Variants in FAM53A observed in about 807,000 individuals in gnomAD.
FAM53A encodes the protein protein FAM53A.
FAM53A carries 28 observed loss-of-function variants against 26.6 expected under a neutral mutation model. That is an observed-to-expected ratio of 1.05 (90% CI 0.78 to 1.45). The LOEUF (loss-of-function observed/expected upper bound fraction) is 1.45. Ranked by LOEUF, FAM53A falls within the 40% of genes most tolerant of loss-of-function variation. FAM53A has a pLI of 0.00. For missense variants in FAM53A, 650 were observed against 575.8 expected (o/e 1.13, Z -1.32); for synonymous variants, 290 against 253.1 (o/e 1.15, Z -1.38).
chr4:1,615,159 G>A (rs80286224), downstream of FAM53A, among the ~76,000 whole-genome samples: 1,915 of 143,964 alleles, frequency 0.013, 135 homozygotes, highest in East Asian at 0.24. Context: ...GGGTACACAC[G>A]GAAGACAGGA....
At chr4:1,661,053 G>A (rs1418399457) in intron 2 of FAM53A, among the ~76,000 whole-genome samples, 1 of 151,926 alleles carries the variant, frequency 6.6e-6, no homozygotes. Context: ...CCCCAGCACA[G>A]CCCCATCACA....
At chr4:1,636,933 G>T (rs1215353725), downstream of FAM53A, among the ~76,000 whole-genome samples, 1 of 152,102 alleles carries the variant, frequency 6.6e-6, no homozygotes, top group Non-Finnish European at 1.5e-5. Flanking sequence ...TGCCCCTCCA[G>T]TGTTACCCAT....
At chr4:1,633,436 G>A (rs1197904948) in intron 1 of FAM53A, among the ~76,000 whole-genome samples, 1 of 152,298 alleles carries the variant, frequency 6.6e-6, no homozygotes, top group Non-Finnish European at 1.5e-5. Flanking sequence ...GATGGAGGAG[G>A]AGTTGGTGGA....
At chr4:1,587,657 G>A in the FAM53A span, among the ~76,000 whole-genome samples, 1 of 152,104 alleles carries the variant, frequency 6.6e-6, no homozygotes, top group Non-Finnish European at 1.5e-5. Flanking sequence ...AGGTGACAGA[G>A]CGAGACTCTG....
Position 1,655,297 on chromosome 4 carries a change from G to A in FAM53A, c.563C>T (p.Ser188Phe), listed in dbSNP as rs1264975197. The A allele has an allele frequency of 5.6e-6, 8 of 1,424,656 alleles. No individual in the cohort carries two copies. The highest frequency in any genetic ancestry group is 9.1e-7 in the Non-Finnish European group (1 of 1,094,942). The allele number at this position is 1,424,656 out of a possible 1,614,324, so 88.3% of individuals were successfully genotyped here. A position where few individuals can be genotyped will look rare whatever the true frequency, so the allele number is the denominator to read the frequency against. ...GTCCACGAAGCCGCCGCTGGCGGAG[G>A]ACGGCCGGGGCGTGGCGGGCGAGGT... ...GPTSPATPRP[S>F]SASGGFVDSS... is the part of the protein sequence containing the mutation. Residue 188 changes from serine (S) to phenylalanine (F), a missense_variant, in exon 4 of 5, where the codon TCC (serine) becomes TTC (phenylalanine). Coordinates refer to ENST00000308132, the MANE Select transcript of FAM53A (RefSeq NM_001174070.3).
At chr4:1,661,326 G>A (rs932726597) in intron 2 of FAM53A, among the ~76,000 whole-genome samples, 8 of 152,086 alleles carry the variant, frequency 5.3e-5, no homozygotes, top group Middle Eastern at 3.2e-3. Context: ...GTCACAGCCC[G>A]GCGCCCTATG....
intron 2 of FAM53A, 131 bp downstream of exon 2, chr4:1,668,536 C>G: frequency 1.1e-6 from 1 of 898,374 alleles, no homozygotes; most frequent in Non-Finnish European, 1.7e-6. Context: ...CCAGACACCC[C>G]CATCCCTGGC....
chr4:1,595,844 C>G, the FAM53A span, among the ~76,000 whole-genome samples: 1 of 152,206 alleles, frequency 6.6e-6, no homozygotes, highest in Non-Finnish European at 1.5e-5. Flanking sequence ...GTCTCTTCCT[C>G]TCTTGTGCTG....
chr4:1,653,166 G>C (rs921645821), intron 4 of FAM53A, among the ~76,000 whole-genome samples: 2 of 151,866 alleles, frequency 1.3e-5, no homozygotes, highest in East Asian at 1.9e-4. Context: ...CACAGCATTT[G>C]ACGGCAGCCC....
At chr4:1,676,870 G>A (rs1174036467) in intron 1 of FAM53A, among the ~76,000 whole-genome samples, 1 of 152,104 alleles carries the variant, frequency 6.6e-6, no homozygotes, top group Non-Finnish European at 1.5e-5. Context: ...CCACACAGTG[G>A]GGTCTGTTCT....
the FAM53A span, among the ~76,000 whole-genome samples, chr4:1,585,930 T>C: frequency 1.3e-5 from 2 of 152,070 alleles, no homozygotes; most frequent in Non-Finnish European, 2.9e-5. Context: ...ACAGACAGGG[T>C]TTCACCATGT....
At chr4:1,593,139 G>C in the FAM53A span, among the ~76,000 whole-genome samples, 3 of 152,208 alleles carry the variant, frequency 2.0e-5, no homozygotes, top group African/African-American at 7.2e-5. Flanking sequence ...GTGGCGGCCA[G>C]AGAGGCACCA....
At position 1,655,120 on chromosome 4, in the gene FAM53A, G is replaced by A. The variant is rs764142186; in HGVS notation, c.740C>T (p.Pro247Leu). Residue 247 changes from proline (P) to leucine (L), a missense_variant, in exon 4 of 5, where the codon CCT becomes CTT. Transcript: ENST00000308132. ...PWASSSPTSTPALGGRRGLLR... is the reference protein window; with the variant it reads ...PWASSSPTSTLALGGRRGLLR... ...CAGCCCACGGCGCCCGCCCAGCGCA[G>A]GCGTGGACGTGGGGCTGCTGCTGGC... 7.5e-6 allele frequency: 12 copies of A among 1,597,312 alleles called. No individual in the cohort carries two copies. In the South Asian group the frequency reaches 1.2e-4, roughly 16 times the overall value.
chr4:1,636,885 G>GGC (rs113116147), downstream of FAM53A, among the ~76,000 whole-genome samples: 13 of 89,840 alleles, frequency 1.4e-4, no homozygotes, highest in South Asian at 3.6e-3. Context: ...TGCTCTTGCT[G>GGC]GGGGGGGGTC....
At chr4:1,673,281 C>T (rs1220638309) in intron 1 of FAM53A, among the ~76,000 whole-genome samples, 1 of 152,192 alleles carries the variant, frequency 6.6e-6, no homozygotes, top group African/African-American at 2.4e-5. Flanking sequence ...GCCTCAGCAC[C>T]GTCAGATGCC....
intron 1 of FAM53A, among the ~76,000 whole-genome samples, chr4:1,621,522 G>A (rs1577081348): frequency 6.6e-6 from 1 of 152,070 alleles, no homozygotes; most frequent in African/African-American, 2.4e-5. Context: ...GGGAGGTGGG[G>A]CCCAGCAGCT....
At chr4:1,639,664 T>G (rs995106544), downstream of FAM53A, among the ~76,000 whole-genome samples, 1 of 152,184 alleles carries the variant, frequency 6.6e-6, no homozygotes, top group African/African-American at 2.4e-5. Context: ...TCCCCCGTCT[T>G]GCAGGGCAGA....
Position 1,630,757 on chromosome 4 carries a change from G to A in FAM53A, c.432-12646C>T, listed in dbSNP as rs554294152. ...AGGGGAGGCTGCCAGGGCAGGGCAG[G>A]GTGGGGAGCGCCCACTCGTGGGGAG... is the stretch of plus-strand genomic sequence containing the variant. On this transcript the variant is annotated intron_variant, in intron 1 of 1. Transcript: ENST00000489029. This position sits in a 1 kb window ranked among gnomAD's most constrained non-coding sequence, Gnocchi z 4.3. 1.4e-4 allele frequency among the ~76,000 whole-genome samples: 22 copies of A among 152,258 alleles called. No homozygotes were observed. The South Asian group carries it at 4.2e-3, about 29-fold the overall frequency.
intron 1 of FAM53A, among the ~76,000 whole-genome samples, chr4:1,619,980 T>C (rs913728248): frequency 2.0e-5 from 3 of 151,266 alleles, no homozygotes; most frequent in Admixed American, 6.6e-5. Context: ...GAGGCTGAGG[T>C]GGGCAGATCA....
Sources: allele counts gnomAD v4.1 joint callset (sites outside exome capture counted in the v4.1 genomes callset), GRCh38; gene constraint gnomAD v4.1.1; non-coding constraint Gnocchi (gnomAD v3.1); transcripts MANE v1.5; gene names NCBI Gene and HGNC (gene_info 2026-07-23, HGNC 2026-07-21).